ATP2A1: variants seen among roughly 807,000 people sequenced by gnomAD.
The protein encoded by ATP2A1 is ATPase sarcoplasmic/endoplasmic reticulum Ca2+ transporting 1, also known as sarcoplasmic/endoplasmic reticulum calcium ATPase 1.
Under a neutral mutation model 109.5 loss-of-function variants are expected in ATP2A1, and 83 were observed. That is an observed-to-expected ratio of 0.76 (90% CI 0.63 to 0.91). The LOEUF (loss-of-function observed/expected upper bound fraction) is 0.91, where lower values mean the gene tolerates loss of function less well. Ranked by LOEUF, ATP2A1 falls within the 40% of genes least tolerant of loss-of-function variation. The pLI is 0.00. For synonymous variants in ATP2A1, 505 were observed against 537.6 expected, an observed-to-expected ratio of 0.94 and a Z score of 0.84; for missense variants, 1,101 against 1,341.0, an observed-to-expected ratio of 0.82 and a Z score of 2.80.
intron 15 of ATP2A1, 23 bp downstream of exon 15, chr16:28,900,939 A>G: frequency 6.2e-7 from 1 of 1,613,496 alleles, no homozygotes; most frequent in African/African-American, 1.3e-5. Context: ...AGGCAGCTGC[A>G]GCCTTAGTGT....
chr16:28,885,120 G>C (rs928566410), intron 6 of ATP2A1, among the ~76,000 whole-genome samples: 3 of 151,786 alleles, frequency 2.0e-5, no homozygotes, highest in African/African-American at 7.3e-5. Context: ...GTGGTGGCAG[G>C]CACCTGTAGT....
Position 28,880,270 on chromosome 16 carries a change from A to G in ATP2A1, c.220-645A>G, listed in dbSNP as rs1963425988. Among the ~76,000 whole-genome samples, 1 of 152,176 alleles carries G rather than the reference A, an allele frequency of 6.6e-6. No individual in the cohort carries two copies. Among genetic ancestry groups the G allele is most frequent in the South Asian group, 2.1e-4 (1 of 4,836 alleles). On this transcript the variant is annotated intron_variant, in intron 3 of 22. Coordinates refer to ENST00000395503, the MANE Select transcript of ATP2A1 (RefSeq NM_004320.6). This position sits in a 1 kb window ranked among gnomAD's most constrained non-coding sequence, Gnocchi z 4.2. ...TGCATGTCGCGGGTTCTTCCGCAGC[A>G]TGTGAGCCTCGCTGGGGACTCTGGA...
Sources: gnomAD v4.1 joint callset for allele counts (sites outside exome capture counted in the v4.1 genomes callset) on GRCh38, gnomAD v4.1.1 for gene constraint, Gnocchi (gnomAD v3.1) non-coding constraint, MANE v1.5 for transcripts, NCBI Gene and HGNC (gene_info 2026-07-23, HGNC 2026-07-21) for gene names.